The following DNAJC24 variants were observed in gnomAD, a reference collection of about 807,000 sequenced individuals.
DNAJC24 encodes dnaJ homolog subfamily C member 24.
In DNAJC24, 17 loss-of-function variants were observed where a neutral mutation model predicts 18.0. That is an observed-to-expected ratio of 0.94 (90% CI 0.65 to 1.42). The LOEUF (loss-of-function observed/expected upper bound fraction) is 1.42. DNAJC24 is among the 40% of genes most tolerant of loss of function. The pLI is 0.00. For synonymous variants in DNAJC24, 55 were observed against 57.7 expected, an observed-to-expected ratio of 0.95 and a Z score of 0.21; for missense variants, 158 against 175.6, an observed-to-expected ratio of 0.90 and a Z score of 0.57.
intron 2 of DNAJC24, among the ~76,000 whole-genome samples, chr11:31,381,500 C>G (rs1421525727): frequency 6.6e-6 from 1 of 151,830 alleles, no homozygotes; most frequent in Non-Finnish European, 1.5e-5. Flanking sequence ...GGATAAGTGT[C>G]TGGAAAAGAC....
chr11:31,428,193 T>C (rs1207284384), intron 4 of DNAJC24, among the ~76,000 whole-genome samples: 1 of 152,068 alleles, frequency 6.6e-6, no homozygotes, highest in Non-Finnish European at 1.5e-5. Flanking sequence ...CAATGTATTA[T>C]TGCCCCTGGA....
chr11:31,414,994 G>A (rs1234055514), intron 3 of DNAJC24, 45 bp downstream of exon 3: 3 of 1,596,488 alleles, frequency 1.9e-6, no homozygotes, highest in South Asian at 1.1e-5. Flanking sequence ...GCAACTCTTA[G>A]AAGCACACTC....
rs139678308 is a variant in DNAJC24 at position 31,432,172 on chromosome 11, A to G, written c.*1771A>G. On this transcript the variant is annotated 3_prime_UTR_variant, in exon 5 of 5. Transcript: ENST00000465995. ...ACTCTGACTTGTAAATGTAGCTGCT[A>G]AAGTATGAGGTATATTTAAGAAGAA... Among the ~76,000 whole-genome samples, 1,819 of 152,316 alleles carry G rather than the reference A, an allele frequency of 0.012. 17 individuals carry two copies. Among genetic ancestry groups the G allele is most frequent in the Non-Finnish European group, 0.02 (1,329 of 68,030 alleles).
chr11:31,426,471 T>C (rs1377439126), intron 4 of DNAJC24, 116 bp downstream of exon 4: 1 of 595,162 alleles, frequency 1.7e-6, no homozygotes, highest in East Asian at 3.0e-5. Context: ...TGGCTTTCTA[T>C]ATATATGTGG....
At chr11:31,380,263 A>G (rs1952363603) in intron 2 of DNAJC24, among the ~76,000 whole-genome samples, 1 of 152,228 alleles carries the variant, frequency 6.6e-6, no homozygotes, top group Admixed American at 6.5e-5. Flanking sequence ...GAGATTGAGG[A>G]TGTGGAAGAT....
intron 2 of DNAJC24, 139 bp downstream of exon 2, chr11:31,370,998 G>A: frequency 1.7e-6 from 1 of 585,128 alleles, no homozygotes; most frequent in South Asian, 2.3e-5. Context: ...GAACATTTCA[G>A]TAATATTGCA....
chr11:31,394,252 A>G (rs1014729347), intron 2 of DNAJC24, among the ~76,000 whole-genome samples: 6 of 152,206 alleles, frequency 3.9e-5, no homozygotes, highest in African/African-American at 1.4e-4. Context: ...TAGACTGTGA[A>G]AAGGATACTT....
intron 2 of DNAJC24, among the ~76,000 whole-genome samples, chr11:31,411,440 A>T (rs964623618): frequency 3.9e-5 from 6 of 152,222 alleles, no homozygotes; most frequent in Admixed American, 3.3e-4. Flanking sequence ...TTATTCTTTT[A>T]TAGTTCTGGA....
intron 2 of DNAJC24, among the ~76,000 whole-genome samples, chr11:31,390,807 A>G (rs1313961412): frequency 6.6e-6 from 1 of 152,068 alleles, no homozygotes; most frequent in African/African-American, 2.4e-5. Context: ...ACTAATACCA[A>G]TCCTACTACA....
At chr11:31,407,075 T>G (rs893226867) in intron 2 of DNAJC24, among the ~76,000 whole-genome samples, 8 of 152,130 alleles carry the variant, frequency 5.3e-5, no homozygotes, top group Non-Finnish European at 8.8e-5. Flanking sequence ...TCAAGAAAAT[T>G]TGAAGCTAGA....
intron 2 of DNAJC24, among the ~76,000 whole-genome samples, chr11:31,377,683 A>G (rs889242342): frequency 5.9e-5 from 9 of 152,100 alleles, no homozygotes; most frequent in Non-Finnish European, 8.8e-5. Flanking sequence ...GCAGTTATGC[A>G]TGTGAAAATT....
intron 2 of DNAJC24, among the ~76,000 whole-genome samples, chr11:31,408,573 G>GTGTT (rs1300017084): frequency 1.3e-5 from 2 of 152,212 alleles, no homozygotes; most frequent in East Asian, 3.9e-4. Flanking sequence ...CATAACTGAA[G>GTGTT]TGTTACTTAT....
At chr11:31,419,479 A>G (rs906624760) in intron 3 of DNAJC24, among the ~76,000 whole-genome samples, 1 of 152,062 alleles carries the variant, frequency 6.6e-6, no homozygotes, top group African/African-American at 2.4e-5. Flanking sequence ...ATAACTGTGC[A>G]ATGAAAATGT....
intron 2 of DNAJC24, among the ~76,000 whole-genome samples, chr11:31,372,354 C>G (rs1952274213): frequency 7.4e-6 from 1 of 134,390 alleles, no homozygotes; most frequent in Admixed American, 7.6e-5. Context: ...TATTAATGTT[C>G]ATTGTGAGAG....
At chr11:31,430,036 C>T (rs1049204726) in intron 4 of DNAJC24, among the ~76,000 whole-genome samples, 5 of 152,184 alleles carry the variant, frequency 3.3e-5, no homozygotes, top group Admixed American at 3.3e-4. Context: ...AATCCTTGGA[C>T]TTTTAATTCA....
At chr11:31,407,885 C>CAG (rs1952671523) in intron 2 of DNAJC24, among the ~76,000 whole-genome samples, 1 of 150,330 alleles carries the variant, frequency 6.7e-6, no homozygotes, top group Non-Finnish European at 1.5e-5. Context: ...TAGGTGAAGC[C>CAG]TGATACAAAT....
intron 2 of DNAJC24, among the ~76,000 whole-genome samples, chr11:31,389,402 A>T (rs1026878565): frequency 6.6e-6 from 1 of 152,228 alleles, no homozygotes; most frequent in African/African-American, 2.4e-5. Context: ...AAAAAACTAT[A>T]AAAAGAGACA....
At chr11:31,408,124 TC>T (rs1564954706) in intron 2 of DNAJC24, 1 of 456,164 alleles carries the variant, frequency 2.2e-6, no homozygotes, top group South Asian at 1.5e-5. Flanking sequence ...TTGGATTTTT[TC>T]CCCCTCTTTT....
chr11:31,409,993 T>G (rs1952692089), intron 2 of DNAJC24, among the ~76,000 whole-genome samples: 1 of 152,016 alleles, frequency 6.6e-6, no homozygotes, highest in African/African-American at 2.4e-5. Context: ...TAAGCAATTC[T>G]TGTGCCTCGC....
Sources: allele counts gnomAD v4.1 joint callset (sites outside exome capture counted in the v4.1 genomes callset), GRCh38; gene constraint gnomAD v4.1.1; transcripts MANE v1.5; gene names NCBI Gene and HGNC (gene_info 2026-07-23, HGNC 2026-07-21).